ATRNL1: variants seen among roughly 807,000 people sequenced by gnomAD.
ATRNL1 encodes attractin-like protein 1.
A neutral mutation model predicts 182.7 loss-of-function variants in ATRNL1; 95 were observed. That is an observed-to-expected ratio of 0.52 (90% CI 0.44 to 0.62). The LOEUF (loss-of-function observed/expected upper bound fraction) is 0.62. ATRNL1 is among the 20% of genes least tolerant of loss of function. The pLI, the probability that ATRNL1 is intolerant of heterozygous loss-of-function variation, is 0.00. For missense variants in ATRNL1, 1,471 were observed against 1,679.5 expected (o/e 0.88, Z 2.17); for synonymous variants, 576 against 568.3 (o/e 1.01, Z -0.19).
At chr10:115,828,499 T>C (rs1555092667) in intron 27 of ATRNL1, among the ~76,000 whole-genome samples, 1 of 152,158 alleles carries the variant, frequency 6.6e-6, no homozygotes. Context: ...ATATTTCAAT[T>C]GCAATGAAAG....
At chr10:115,108,609 T>C (rs1844125216) in intron 1 of ATRNL1, among the ~76,000 whole-genome samples, 1 of 152,222 alleles carries the variant, frequency 6.6e-6, no homozygotes, top group Admixed American at 6.5e-5. Context: ...GATTTCCCAG[T>C]TGATCAGCAT....
intron 26 of ATRNL1, among the ~76,000 whole-genome samples, chr10:115,679,456 A>C (rs1232071415): frequency 6.6e-6 from 1 of 151,820 alleles, no homozygotes; most frequent in Non-Finnish European, 1.5e-5. Context: ...TAGAGATGTT[A>C]TTCTCAGATC....
chr10:115,882,355 G>A (rs554103647), intron 28 of ATRNL1, among the ~76,000 whole-genome samples: 2 of 152,272 alleles, frequency 1.3e-5, no homozygotes, highest in South Asian at 4.2e-4. Context: ...GATATTCACC[G>A]AACTGCCTAA....
intron 1 of ATRNL1, among the ~76,000 whole-genome samples, chr10:115,108,429 T>C (rs1844116112): frequency 6.6e-6 from 1 of 151,974 alleles, no homozygotes; most frequent in South Asian, 2.1e-4. Context: ...AAGGGAGGGG[T>C]CTCTGATCGG....
chr10:115,947,121 C>A lies in ATRNL1; in HGVS notation c.*2342C>A, dbSNP rs1314534510. The A allele has an allele frequency of 6.5e-6, 1 of 152,714 alleles. No homozygotes were observed. The highest frequency in any genetic ancestry group is 2.4e-5 in the African/African-American group (1 of 41,562). 9.5% of individuals were successfully genotyped at this position (152,714 alleles called of 1,614,324 possible). A position where few individuals can be genotyped will look rare whatever the true frequency, so the allele number is the denominator to read the frequency against. ...ATTATGCAATTAATTCTCAACGTAT[C>A]AAAGCTTTTCACTGGCAGTAAATTC... On this transcript the variant is annotated 3_prime_UTR_variant, in exon 29 of 29. Coordinates refer to ENST00000355044, the MANE Select transcript of ATRNL1 (RefSeq NM_207303.4).
intron 28 of ATRNL1, among the ~76,000 whole-genome samples, chr10:115,940,557 G>T (rs547987469): frequency 6.6e-6 from 1 of 152,220 alleles, no homozygotes; most frequent in African/African-American, 2.4e-5. Flanking sequence ...TTAGGGGACG[G>T]GGGAGGTAAT....
chr10:115,766,730 T>C (rs1555075129), intron 27 of ATRNL1, among the ~76,000 whole-genome samples: 1 of 152,214 alleles, frequency 6.6e-6, no homozygotes, highest in Non-Finnish European at 1.5e-5. Context: ...TTTTTGCTCT[T>C]ATTTTTCTTC....
chr10:115,895,827 C>G (rs1188076034), intron 28 of ATRNL1, among the ~76,000 whole-genome samples: 1 of 152,298 alleles, frequency 6.6e-6, no homozygotes, highest in East Asian at 1.9e-4. Flanking sequence ...CCCAACGGAG[C>G]TGATGCTTGA....
intron 26 of ATRNL1, among the ~76,000 whole-genome samples, chr10:115,626,356 C>T (rs886288584): frequency 5.3e-5 from 8 of 152,156 alleles, no homozygotes; most frequent in African/African-American, 1.9e-4. Flanking sequence ...TCATTTTAAA[C>T]ATCAGCTGTT....
chr10:115,814,623 G>A (rs1340130234), intron 27 of ATRNL1, among the ~76,000 whole-genome samples: 1 of 152,088 alleles, frequency 6.6e-6, no homozygotes, highest in African/African-American at 2.4e-5. Flanking sequence ...TTTCCTAAGG[G>A]TTTCTTCTTA....
chr10:115,368,533 C>A (rs1857202781), intron 19 of ATRNL1, among the ~76,000 whole-genome samples: 2 of 152,140 alleles, frequency 1.3e-5, no homozygotes, highest in South Asian at 4.1e-4. Flanking sequence ...CCTATTCGGC[C>A]ATCTTGGCTC....
intron 27 of ATRNL1, among the ~76,000 whole-genome samples, chr10:115,784,217 T>C (rs964945442): frequency 2.6e-5 from 4 of 152,194 alleles, no homozygotes; most frequent in Non-Finnish European, 5.9e-5. Flanking sequence ...ACAGGGCTTA[T>C]TGGCTCTTAG....
chr10:115,617,038 A>C (rs534675514), intron 26 of ATRNL1, among the ~76,000 whole-genome samples: 1 of 152,314 alleles, frequency 6.6e-6, no homozygotes, highest in South Asian at 2.1e-4. Flanking sequence ...TGTAACTTGC[A>C]CCATGTGCTT....
chr10:115,359,650 A>T (rs1554943713), intron 19 of ATRNL1, among the ~76,000 whole-genome samples: 1 of 151,468 alleles, frequency 6.6e-6, no homozygotes, highest in African/African-American at 2.4e-5. Context: ...TTATATATAA[A>T]TTTTTTCATT....
intron 7 of ATRNL1, 53 bp from the exon 8 acceptor site, chr10:115,170,984 G>T (rs1271285739): frequency 2.8e-6 from 3 of 1,068,194 alleles, no homozygotes; most frequent in African/African-American, 3.2e-5. Flanking sequence ...TAATTAATAT[G>T]TGTTAAGATA....
rs543460340 is a variant in ATRNL1 at position 115,152,558 on chromosome 10, T to G, written c.830-7482T>G. Among the ~76,000 whole-genome samples the G allele has an allele frequency of 3.9e-3, 591 of 151,834 alleles. 3 individuals carry two copies. Among genetic ancestry groups the G allele is most frequent in the Non-Finnish European group, 5.8e-3 (397 of 67,922 alleles). ...TAAGAATGCTTGTGATTTTTGCACATGATTTTGTATCCTGAGACTTTGCTG... is the reference window on the plus strand; with the variant it reads ...TAAGAATGCTTGTGATTTTTGCACAGGATTTTGTATCCTGAGACTTTGCTG... On this transcript the variant is annotated intron_variant, in intron 5 of 28. Transcript: ENST00000355044.
chr10:115,271,518 A>T (rs1314264376), intron 13 of ATRNL1, among the ~76,000 whole-genome samples: 1 of 151,980 alleles, frequency 6.6e-6, no homozygotes, highest in Non-Finnish European at 1.5e-5. Context: ...CCGTTACTGG[A>T]TATATACCCA....
intron 26 of ATRNL1, among the ~76,000 whole-genome samples, chr10:115,697,175 T>C (rs1946591042): frequency 6.6e-6 from 1 of 152,200 alleles, no homozygotes; most frequent in South Asian, 2.1e-4. Context: ...TTTGAGCTTT[T>C]TTTCATGTAA....
intron 28 of ATRNL1, among the ~76,000 whole-genome samples, chr10:115,919,736 C>T (rs1555118211): frequency 6.6e-6 from 1 of 152,082 alleles, no homozygotes; most frequent in Non-Finnish European, 1.5e-5. Context: ...ATTTATTTCT[C>T]ACAATTCTGG....
Sources: allele counts gnomAD v4.1 joint callset (sites outside exome capture counted in the v4.1 genomes callset), GRCh38; gene constraint gnomAD v4.1.1; transcripts MANE v1.5; gene names NCBI Gene and HGNC (gene_info 2026-07-23, HGNC 2026-07-21).